Variants in PDE2A observed in about 807,000 individuals in gnomAD.
The protein encoded by PDE2A is cGMP-dependent 3',5'-cyclic phosphodiesterase.
PDE2A carries 53 observed loss-of-function variants against 133.6 expected under a neutral mutation model. The observed-to-expected ratio is 0.40, with a 90% CI of 0.32 to 0.50. PDE2A has a LOEUF of 0.50. PDE2A is among the 20% of genes least tolerant of loss of function. The probability of loss-of-function intolerance (pLI) is 0.73; values close to 1 mark genes in which losing one functional copy is unlikely to be tolerated. For missense variants in PDE2A, 796 were observed against 1,232.4 expected (o/e 0.65, Z 5.30); for synonymous variants, 491 against 490.2 (o/e 1.00, Z -0.02).
intron 1 of PDE2A, 127 bp downstream of exon 1, chr11:72,674,009 AG>A: frequency 1.1e-6 from 1 of 909,756 alleles, no homozygotes; most frequent in Non-Finnish European, 1.6e-6. Context: ...AGGGGTGCCC[AG>A]GAACAGGATC....
chr11:72,594,959 A>C (rs976954905), intron 6 of PDE2A, among the ~76,000 whole-genome samples: 3 of 152,028 alleles, frequency 2.0e-5, no homozygotes, highest in African/African-American at 7.3e-5. Flanking sequence ...TCCAGCACCC[A>C]GCCTGCCGCA....
chr11:72,577,316 G>A lies in PDE2A; in HGVS notation c.*68C>T, dbSNP rs1329896733. ...CCCAGGACCCGTGGCTCTGTTCCCA[G>A]TGCATCTGGCCAGACCAGTGGAGGG... On this transcript the variant is annotated 3_prime_UTR_variant, in exon 31 of 31. Coordinates refer to ENST00000334456, the MANE Select transcript of PDE2A (RefSeq NM_002599.5). 1 of 1,264,262 alleles carries A rather than the reference G, an allele frequency of 7.9e-7. No homozygotes were observed. 78.3% of individuals were successfully genotyped at this position (1,264,262 alleles called of 1,614,324 possible). A position where few individuals can be genotyped will look rare whatever the true frequency, so the allele number is the denominator to read the frequency against.
chr11:72,658,578 C>T (rs1043050050), intron 1 of PDE2A, among the ~76,000 whole-genome samples: 4 of 152,016 alleles, frequency 2.6e-5, no homozygotes, highest in Non-Finnish European at 4.4e-5. Flanking sequence ...AGTGATCCTC[C>T]CGCCTCAGCT....
At chr11:72,644,068 C>T (rs1477114709) in intron 1 of PDE2A, among the ~76,000 whole-genome samples, 6 of 152,160 alleles carry the variant, frequency 3.9e-5, no homozygotes, top group Admixed American at 1.3e-4. Flanking sequence ...ACCTCCAGGC[C>T]TTTGCCCATG....
At chr11:72,598,862 T>A (rs1856605415) in intron 4 of PDE2A, 3 of 985,294 alleles carry the variant, frequency 3.0e-6, no homozygotes, top group Non-Finnish European at 3.6e-6. Context: ...TCTCCCACCT[T>A]CCAGCCCCTA....
chr11:72,593,115 C>A (rs1201522319), intron 6 of PDE2A, among the ~76,000 whole-genome samples: 1 of 151,870 alleles, frequency 6.6e-6, no homozygotes, highest in Non-Finnish European at 1.5e-5. Flanking sequence ...CACACACCTA[C>A]ACTCTCATGA....
chr11:72,619,565 G>A (rs1034067627), intron 2 of PDE2A, among the ~76,000 whole-genome samples: 2 of 152,248 alleles, frequency 1.3e-5, no homozygotes, highest in African/African-American at 2.4e-5. Flanking sequence ...CCATCTGCAC[G>A]TGGGAGTGAC....
At chr11:72,591,649 C>A (rs1055891058) in intron 6 of PDE2A, among the ~76,000 whole-genome samples, 13 of 152,172 alleles carry the variant, frequency 8.5e-5, no homozygotes, top group African/African-American at 3.1e-4. Flanking sequence ...GATGGAGGGA[C>A]CTTAGACCCC....
chr11:72,598,256 G>A (rs1263741920), intron 4 of PDE2A, among the ~76,000 whole-genome samples: 6 of 152,194 alleles, frequency 3.9e-5, no homozygotes, highest in African/African-American at 1.4e-4. Flanking sequence ...AAGCGGTAGA[G>A]CCAGGATTTG....
At chr11:72,640,413 A>G (rs1414105143) in intron 2 of PDE2A, among the ~76,000 whole-genome samples, 1 of 151,162 alleles carries the variant, frequency 6.6e-6, no homozygotes, top group African/African-American at 2.4e-5. Context: ...ACATGCACGC[A>G]CACACACACA....
At chr11:72,612,496 C>A (rs775534130) in intron 2 of PDE2A, among the ~76,000 whole-genome samples, 6 of 152,200 alleles carry the variant, frequency 3.9e-5, no homozygotes, top group Non-Finnish European at 7.3e-5. Context: ...AGACTGACTA[C>A]AGAAGTTCTG....
intron 2 of PDE2A, among the ~76,000 whole-genome samples, chr11:72,629,710 T>C (rs1224013860): frequency 6.6e-6 from 1 of 152,278 alleles, no homozygotes; most frequent in South Asian, 2.1e-4. Context: ...TTTCCCATCT[T>C]ACTCAGGGGC....
intron 1 of PDE2A, among the ~76,000 whole-genome samples, chr11:72,645,707 C>A (rs1859112703): frequency 6.6e-6 from 1 of 152,250 alleles, no homozygotes; most frequent in South Asian, 2.1e-4. Flanking sequence ...CCCTGGCTGA[C>A]CTCTGTCCCA....
intron 1 of PDE2A, among the ~76,000 whole-genome samples, chr11:72,673,293 G>A (rs1014048965): frequency 6.6e-6 from 1 of 151,896 alleles, no homozygotes; most frequent in African/African-American, 2.4e-5. Context: ...CACTCACACA[G>A]GGATGATCAC....
intron 23 of PDE2A, 69 bp downstream of exon 23, chr11:72,581,288 G>T (rs997427677): frequency 5.4e-6 from 8 of 1,472,826 alleles, no homozygotes; most frequent in Non-Finnish European, 6.4e-6. Flanking sequence ...TGACACACAG[G>T]GGGTGCTTCC....
At position 72,577,335 on chromosome 11, in the gene PDE2A, T is replaced by G; in HGVS notation, c.*49A>C. ...TTCCCAGTGCATCTGGCCAGACCAG[T>G]GGAGGGCTGTGGGAGGTGGCCTGGG... On this transcript the variant is annotated 3_prime_UTR_variant, in exon 31 of 31. Coordinates refer to ENST00000334456, the MANE Select transcript of PDE2A (RefSeq NM_002599.5). 1 of 1,438,444 alleles carries G rather than the reference T, an allele frequency of 7.0e-7. No individual in the cohort carries two copies. The highest frequency in any genetic ancestry group is 9.7e-7 in the Non-Finnish European group (1 of 1,033,396). The allele number at this position is 1,438,444 out of a possible 1,614,324, so 89.1% of individuals were successfully genotyped here.
chr11:72,674,282 C>A lies in PDE2A; in HGVS notation c.-75G>T. On this transcript the variant is annotated 5_prime_UTR_variant, in exon 1 of 31. Coordinates refer to ENST00000334456, the MANE Select transcript of PDE2A (RefSeq NM_002599.5). ...TGTCCCCGCTGCCTGGAGTTCAGGGCAGGGCACCCCCAGCAGGCACAGGGA... is the reference window on the plus strand; with the variant it reads ...TGTCCCCGCTGCCTGGAGTTCAGGGAAGGGCACCCCCAGCAGGCACAGGGA... The A allele has an allele frequency of 5.5e-6, 8 of 1,458,928 alleles. No individual in the cohort carries two copies. The highest frequency in any genetic ancestry group is 6.5e-6 in the Non-Finnish European group (7 of 1,073,824). 90.4% of individuals were successfully genotyped at this position (1,458,928 alleles called of 1,614,324 possible). A position where few individuals can be genotyped will look rare whatever the true frequency, so the allele number is the denominator to read the frequency against.
At chr11:72,655,393 C>G (rs192974422) in intron 1 of PDE2A, among the ~76,000 whole-genome samples, 1 of 152,372 alleles carries the variant, frequency 6.6e-6, no homozygotes, top group East Asian at 1.9e-4. Flanking sequence ...CCCTCTGCAG[C>G]CCAGCATTCT....
chr11:72,619,604 AT>A (rs1857647814), intron 2 of PDE2A, among the ~76,000 whole-genome samples: 1 of 152,136 alleles, frequency 6.6e-6, no homozygotes, highest in Admixed American at 6.5e-5. Flanking sequence ...TGCATATGTG[AT>A]TCAGGTCATT....
Sources: gnomAD v4.1 joint callset for allele counts (sites outside exome capture counted in the v4.1 genomes callset) on GRCh38, gnomAD v4.1.1 for gene constraint, MANE v1.5 for transcripts, NCBI Gene and HGNC (gene_info 2026-07-23, HGNC 2026-07-21) for gene names.